POLA1: variants seen among roughly 807,000 people sequenced by gnomAD.
POLA1 encodes the protein DNA polymerase alpha 1, catalytic subunit.
POLA1 carries 15 observed loss-of-function variants against 124.0 expected under a neutral mutation model. That is an observed-to-expected ratio of 0.12 (90% CI 0.08 to 0.19). The LOEUF (loss-of-function observed/expected upper bound fraction) is 0.19. POLA1 is among the 10% of genes least tolerant of loss of function. The pLI is 1.00. For synonymous variants in POLA1, 408 were observed against 389.4 expected (o/e 1.05, Z -0.56); for missense variants, 886 against 1,103.4 (o/e 0.80, Z 2.79).
chrX:24,733,862 A>G, intron 17 of POLA1, 46 bp downstream of exon 17: 1 of 705,921 alleles, frequency 1.4e-6, no homozygotes, highest in East Asian at 3.3e-5. Flanking sequence ...GGAGCGAGAA[A>G]GAAAAGGGGG....
chrX:24,859,484 T>C (rs1290545875), intron 34 of POLA1, among the ~76,000 whole-genome samples: 1 of 112,444 alleles, frequency 8.9e-6, no homozygotes, highest in East Asian at 2.8e-4. Context: ...TTTGTGAAAT[T>C]CTTCTGCCTT....
intron 35 of POLA1, among the ~76,000 whole-genome samples, chrX:24,902,320 C>T (rs932410650): frequency 5.4e-5 from 6 of 112,009 alleles, no homozygotes; most frequent in Non-Finnish European, 1.1e-4. Flanking sequence ...AGTCCCTTCT[C>T]TGTGCTTCTG....
At chrX:24,806,651 C>A (rs753522933) in intron 26 of POLA1, among the ~76,000 whole-genome samples, 1 of 111,502 alleles carries the variant, frequency 9.0e-6, no homozygotes, top group Non-Finnish European at 1.9e-5. Context: ...ATCGGTACAA[C>A]CTCTATAGAG....
At chrX:24,831,209 C>T (rs2046255555) in intron 32 of POLA1, among the ~76,000 whole-genome samples, 2 of 110,726 alleles carry the variant, frequency 1.8e-5, no homozygotes, top group South Asian at 3.9e-4. Context: ...CAGGGCCAAG[C>T]GATGTTTGGG....
At chrX:24,722,522 TAAG>T (rs1435063394) in intron 10 of POLA1, among the ~76,000 whole-genome samples, 5 of 112,319 alleles carry the variant, frequency 4.5e-5, no homozygotes, top group African/African-American at 1.3e-4. Flanking sequence ...GAATAAGAAA[TAAG>T]AAGTAAATTA....
chrX:24,924,423 A>T (rs924468561), intron 35 of POLA1, among the ~76,000 whole-genome samples: 2 of 111,975 alleles, frequency 1.8e-5, no homozygotes, highest in African/African-American at 6.5e-5. Context: ...TCTTTCTGCT[A>T]TTCCAGTCTT....
At chrX:24,929,424 A>G (rs985962520) in intron 35 of POLA1, among the ~76,000 whole-genome samples, 2 of 112,020 alleles carry the variant, frequency 1.8e-5, no homozygotes, top group African/African-American at 6.5e-5. Context: ...TGTCATTCCA[A>G]GGCAGCAAGG....
At position 24,723,240 on chromosome X, in the gene POLA1, A is replaced by G. The variant is rs1930314920; in HGVS notation, c.1173A>G (p.Arg391=). The G allele has an allele frequency of 1.7e-6, 2 of 1,194,178 alleles. No homozygotes were observed. Among genetic ancestry groups the G allele is most frequent in the African/African-American group, 3.5e-5 (2 of 57,535 alleles). The change falls in exon 11 of 37, where the codon CGA becomes CGG. Residue 391 remains arginine (R), a synonymous_variant. Transcript: ENST00000379068. ...SCCVMVKNIE[R]TLYFLPREMK... The stretch of plus-strand genomic sequence containing the variant: ...GTGTCATGGTGAAAAATATCGAGCG[A>G]ACGCTTTACTTCCTTCCCCGTGAAA...
intron 36 of POLA1, among the ~76,000 whole-genome samples, chrX:24,970,634 G>A (rs959918811): frequency 2.7e-5 from 3 of 111,660 alleles, no homozygotes; most frequent in African/African-American, 9.8e-5. Flanking sequence ...TAAAAAGTGG[G>A]CAAAGGACAT....
Position 24,697,460 on chromosome X carries a change from C to A in POLA1, c.44-1965C>A, listed in dbSNP as rs776449340. On this transcript the variant is annotated intron_variant, in intron 1 of 36. Coordinates refer to ENST00000379068, the MANE Select transcript of POLA1 (RefSeq NM_001330360.2). ...TTTTTGTGGCTGTCATCATTAAGTA[C>A]CTTTATTCCTTAATTTTTACTTAAT... Among the ~76,000 whole-genome samples the A allele has an allele frequency of 2.7e-5, 3 of 111,754 alleles. No homozygotes were observed. The East Asian group carries it at 8.4e-4, about 31-fold the overall frequency.
chrX:24,739,924 T>C (rs1321119089), intron 20 of POLA1, among the ~76,000 whole-genome samples: 1 of 111,856 alleles, frequency 8.9e-6, no homozygotes, highest in Non-Finnish European at 1.9e-5. Context: ...CTCTCATTCA[T>C]TCCTGCTAGT....
intron 36 of POLA1, 86 bp downstream of exon 36, chrX:24,930,635 G>A (rs2047762476): frequency 5.0e-6 from 3 of 605,021 alleles, no homozygotes; most frequent in Non-Finnish European, 2.8e-6. Flanking sequence ...GGCTGTTCAT[G>A]CAGCATCACA....
chrX:24,979,633 C>T (rs1037127411), intron 36 of POLA1, among the ~76,000 whole-genome samples: 3 of 112,160 alleles, frequency 2.7e-5, no homozygotes, highest in Non-Finnish European at 5.6e-5. Flanking sequence ...TTCTACTGTC[C>T]ACTTTCTCCT....
chrX:24,805,100 C>T (rs767313322), intron 26 of POLA1, among the ~76,000 whole-genome samples: 164 of 111,142 alleles, frequency 1.5e-3, no homozygotes, highest in Admixed American at 4.0e-3. Context: ...AATTCCTTTT[C>T]GTATTATTTT....
chrX:24,785,370 G>A (rs1167402428), intron 26 of POLA1, among the ~76,000 whole-genome samples: 1 of 111,951 alleles, frequency 8.9e-6, no homozygotes. Flanking sequence ...ATATAATGGA[G>A]AGGCATATTT....
chrX:24,929,042 A>C (rs999388800), intron 35 of POLA1, among the ~76,000 whole-genome samples: 7 of 111,759 alleles, frequency 6.3e-5, no homozygotes, highest in Non-Finnish European at 1.1e-4. Flanking sequence ...AAGAAGTATA[A>C]AATACACTAA....
intron 26 of POLA1, among the ~76,000 whole-genome samples, chrX:24,793,989 A>G (rs751518336): frequency 1.0e-4 from 11 of 107,255 alleles, no homozygotes; most frequent in Non-Finnish European, 1.9e-4. Context: ...TTCTTTTGAG[A>G]CTGAGTCTCT....
At chrX:24,834,534 G>A (rs776401670) in intron 32 of POLA1, among the ~76,000 whole-genome samples, 1 of 112,137 alleles carries the variant, frequency 8.9e-6, no homozygotes, top group Non-Finnish European at 1.9e-5. Flanking sequence ...CACTATGGGA[G>A]GCCAAGGCGG....
At chrX:24,839,630 G>A (rs187232456) in intron 32 of POLA1, among the ~76,000 whole-genome samples, 41 of 111,909 alleles carry the variant, frequency 3.7e-4, no homozygotes, top group African/African-American at 1.2e-3. Flanking sequence ...GTTCCTTTTC[G>A]TAGCCTGGCC....
Sources: allele counts gnomAD v4.1 joint callset (sites outside exome capture counted in the v4.1 genomes callset), GRCh38; gene constraint gnomAD v4.1.1; transcripts MANE v1.5; gene names NCBI Gene and HGNC (gene_info 2026-07-23, HGNC 2026-07-21).